The following CACNA1D variants were observed in gnomAD, a reference collection of about 807,000 sequenced individuals.
CACNA1D encodes the protein calcium voltage-gated channel subunit alpha1 D, also known as voltage-dependent L-type calcium channel subunit alpha-1D.
CACNA1D carries 55 observed loss-of-function variants against 257.1 expected under a neutral mutation model. That is an observed-to-expected ratio of 0.21 (90% confidence interval 0.17 to 0.27). The LOEUF (loss-of-function observed/expected upper bound fraction) is 0.27. Ranked by LOEUF, CACNA1D falls within the 10% of genes least tolerant of loss-of-function variation. The pLI, the probability that CACNA1D is intolerant of heterozygous loss-of-function variation, is 1.00. For missense variants in CACNA1D, 1,876 were observed against 2,784.0 expected (o/e 0.67, Z 7.34); for synonymous variants, 980 against 1,014.9 (o/e 0.97, Z 0.65).
intron 3 of CACNA1D, among the ~76,000 whole-genome samples, chr3:53,547,175 C>T (rs2107557586): frequency 6.6e-6 from 1 of 152,246 alleles, no homozygotes; most frequent in South Asian, 2.1e-4. Context: ...TAGTCCAGTG[C>T]ACCTGTCATT....
intron 3 of CACNA1D, among the ~76,000 whole-genome samples, chr3:53,619,967 A>G (rs2093678121): frequency 6.6e-6 from 1 of 152,230 alleles, no homozygotes; most frequent in African/African-American, 2.4e-5. Flanking sequence ...GCTTCTGGCC[A>G]TGGGCACAGA....
rs755747884 is a variant in CACNA1D at position 53,780,125 on chromosome 3, G to A, written c.4687G>A (p.Glu1563Lys). The change falls in exon 38 of 48, where the codon GAA becomes AAA. Residue 1563 changes from glutamate (E) to lysine (K), a missense_variant. By Grantham distance (56) the Glu-to-Lys change is moderately conservative. Coordinates refer to ENST00000350061, the MANE Select transcript of CACNA1D (RefSeq NM_001128840.3). ...TCGAACGGCTCTTAAGATCAAGACC[G>A]AAGGTGAGCATTCCCTGCCAGCAAG... ...LVRTALKIKT[E>K]GNLEQANEEL... is the part of the protein sequence containing the mutation. 24 of 1,609,274 alleles carry A rather than the reference G, an allele frequency of 1.5e-5. No individual in the cohort carries two copies. The highest frequency in any genetic ancestry group is 3.3e-5 in the South Asian group (3 of 91,010).
intron 16 of CACNA1D, among the ~76,000 whole-genome samples, 176 bp downstream of exon 16, chr3:53,730,732 G>T (rs2094982924): frequency 6.6e-6 from 1 of 152,260 alleles, no homozygotes; most frequent in African/African-American, 2.4e-5. Context: ...TTGGGCAGAA[G>T]CCAGGCTCTT....
At chr3:53,535,630 A>C (rs1336986842) in intron 3 of CACNA1D, among the ~76,000 whole-genome samples, 1 of 152,180 alleles carries the variant, frequency 6.6e-6, no homozygotes, top group Non-Finnish European at 1.5e-5. Flanking sequence ...AGGTTGCAAA[A>C]AGCAAACAAG....
rs2094340784 is a variant in CACNA1D at position 53,673,012 on chromosome 3, A to G, written c.1117-11A>G. On this transcript the variant is annotated splice_polypyrimidine_tract_variant and intron_variant, in intron 7 of 47. Coordinates refer to ENST00000350061, the MANE Select transcript of CACNA1D (RefSeq NM_001128840.3). The surrounding 1 kb of genome is among the most constrained non-coding windows in gnomAD (Gnocchi z 4.1). ...TAACCCACTCCTATGAGACCATCTTATTTCTTGCAGATGAATGATGCTATG... is the reference window on the plus strand; with the variant it reads ...TAACCCACTCCTATGAGACCATCTTGTTTCTTGCAGATGAATGATGCTATG... 6.5e-7 allele frequency: 1 copy of G among 1,538,822 alleles called. No individual in the cohort carries two copies. Among genetic ancestry groups the G allele is most frequent in the Non-Finnish European group, 8.8e-7 (1 of 1,135,354 alleles).
At chr3:53,698,765 T>C (rs2094594580) in intron 8 of CACNA1D, among the ~76,000 whole-genome samples, 1 of 152,084 alleles carries the variant, frequency 6.6e-6, no homozygotes, top group Non-Finnish European at 1.5e-5. Context: ...GCTCCTTTTA[T>C]TTCCCAGTTT....
At chr3:53,590,175 A>G (rs1296317808) in intron 3 of CACNA1D, among the ~76,000 whole-genome samples, 1 of 152,140 alleles carries the variant, frequency 6.6e-6, no homozygotes, top group Admixed American at 6.5e-5. Flanking sequence ...CCCTGCATCC[A>G]CTACTGTTCT....
In CACNA1D at chr3:53,495,107, C is replaced by T. The variant is rs1405990838; in HGVS notation, c.-60C>T. The T allele has an allele frequency of 5.0e-6, 7 of 1,389,942 alleles. No homozygotes were observed. The African/African-American group carries it at 8.5e-5, about 17-fold the overall frequency. The allele number at this position is 1,389,942 out of a possible 1,614,324, so 86.1% of individuals were successfully genotyped here. On this transcript the variant is annotated 5_prime_UTR_variant, in exon 1 of 48. Transcript: ENST00000350061. The surrounding 1 kb of genome is among the most constrained non-coding windows in gnomAD (Gnocchi z 5.1). ...TGGTGATCCCCTTCCCCATTCCGCC[C>T]CCGCCTCAACGCCCAGCACAGTGCC...
At chr3:53,564,426 G>T (rs780131180) in intron 3 of CACNA1D, among the ~76,000 whole-genome samples, 3 of 152,184 alleles carry the variant, frequency 2.0e-5, no homozygotes, top group East Asian at 1.9e-4. Context: ...CTCCCAAAGT[G>T]CTGGGATTTG....
Position 53,673,329 on chromosome 3 carries a change from G to A in CACNA1D, c.1220+203G>A, listed in dbSNP as rs996447950. On this transcript the variant is annotated intron_variant, in intron 8 of 47. Coordinates refer to ENST00000350061, the MANE Select transcript of CACNA1D (RefSeq NM_001128840.3). The surrounding 1 kb of genome is among the most constrained non-coding windows in gnomAD (Gnocchi z 4.1). ...GCTTCATGAAGGAGAACTATAGAAC[G>A]ATTATTGACCAGAAATTAATCAGCA... Among the ~76,000 whole-genome samples the A allele has an allele frequency of 6.6e-6, 1 of 152,120 alleles. No homozygotes were observed. The highest frequency in any genetic ancestry group is 1.5e-5 in the Non-Finnish European group (1 of 68,024).
chr3:53,743,802 C>T lies in CACNA1D; in HGVS notation c.2918+685C>T, dbSNP rs3821859. Among the ~76,000 whole-genome samples, 25 of 152,218 alleles carry T rather than the reference C, an allele frequency of 1.6e-4. No individual in the cohort carries two copies. The East Asian group carries it at 1.7e-3, about 11-fold the overall frequency. Reference sequence around the variant, plus strand: ...TTCAGGTGCTGAGCATAGAATCTCCCCTGTATGAGCACACATGCACACACC... The same window carrying T: ...TTCAGGTGCTGAGCATAGAATCTCCTCTGTATGAGCACACATGCACACACC... On this transcript the variant is annotated intron_variant, in intron 22 of 47. Coordinates refer to ENST00000350061, the MANE Select transcript of CACNA1D (RefSeq NM_001128840.3).
At chr3:53,548,352 CTTT>C (rs34313562) in intron 3 of CACNA1D, among the ~76,000 whole-genome samples, 1,669 of 71,582 alleles carry the variant, frequency 0.023, 30 homozygotes, top group African/African-American at 0.073. Context: ...AGCAACAAAG[CTTT>C]TTTTTTTTTT....
At chr3:53,694,735 A>C (rs1308186375) in intron 8 of CACNA1D, among the ~76,000 whole-genome samples, 1 of 152,146 alleles carries the variant, frequency 6.6e-6, no homozygotes, top group Non-Finnish European at 1.5e-5. Context: ...AGAGAAGGGG[A>C]CATGGCAGAG....
intron 30 of CACNA1D, among the ~76,000 whole-genome samples, chr3:53,769,323 C>G (rs1393494240): frequency 6.6e-6 from 1 of 152,212 alleles, no homozygotes; most frequent in Non-Finnish European, 1.5e-5. Flanking sequence ...TCCAAAGACT[C>G]ATACGGACCT....
At chr3:53,636,222 T>A (rs547767690) in intron 3 of CACNA1D, among the ~76,000 whole-genome samples, 2 of 152,312 alleles carry the variant, frequency 1.3e-5, no homozygotes, top group South Asian at 2.1e-4. Context: ...ACTTTTTTTT[T>A]AAATCTTAGT....
At chr3:53,651,713 T>C (rs1423988902) in intron 4 of CACNA1D, among the ~76,000 whole-genome samples, 1 of 152,240 alleles carries the variant, frequency 6.6e-6, no homozygotes, top group Non-Finnish European at 1.5e-5. Context: ...ATATCCTTTT[T>C]CCCAGTCTTA....
chr3:53,649,206 A>G (rs774326324), intron 3 of CACNA1D, among the ~76,000 whole-genome samples: 7 of 152,220 alleles, frequency 4.6e-5, no homozygotes, highest in Admixed American at 6.5e-5. Flanking sequence ...GCAAGCAAAC[A>G]TTTAATAGGT....
chr3:53,539,414 A>T (rs1314573581), intron 3 of CACNA1D, among the ~76,000 whole-genome samples: 1 of 152,054 alleles, frequency 6.6e-6, no homozygotes, highest in Non-Finnish European at 1.5e-5. Flanking sequence ...AGCCTCCTGG[A>T]TTCTTTTATA....
At position 53,813,453 on chromosome 3, in the gene CACNA1D, G is replaced by A. The variant is rs1268374939; in HGVS notation, c.*2047G>A. 2.0e-5 allele frequency: 3 copies of A among 152,184 alleles called. No individual in the cohort carries two copies. Among genetic ancestry groups the A allele is most frequent in the Non-Finnish European group, 2.9e-5 (2 of 68,054 alleles). The allele number at this position is 152,184 out of a possible 1,614,324, so 9.4% of individuals were successfully genotyped here. ...TCCTCCTGGTTCCTTCGGTGCCAAT[G>A]GTAACCTAATACCAGCCGCAGGGAG... is the stretch of plus-strand genomic sequence containing the variant. On this transcript the variant is annotated 3_prime_UTR_variant, in exon 48 of 48. Coordinates refer to ENST00000350061, the MANE Select transcript of CACNA1D (RefSeq NM_001128840.3).
Sources: allele counts gnomAD v4.1 joint callset (sites outside exome capture counted in the v4.1 genomes callset), GRCh38; gene constraint gnomAD v4.1.1; non-coding constraint Gnocchi (gnomAD v3.1); transcripts MANE v1.5; gene names NCBI Gene and HGNC (gene_info 2026-07-23, HGNC 2026-07-21).